CSMD3: variants seen among roughly 807,000 people sequenced by gnomAD.
The protein encoded by CSMD3 is CUB and Sushi multiple domains 3, also known as CUB and sushi domain-containing protein 3.
In CSMD3, 177 loss-of-function variants were observed where a neutral mutation model predicts 435.2. That is an observed-to-expected ratio of 0.41 (90% CI 0.36 to 0.46). The LOEUF is 0.46. CSMD3 is among the 20% of genes least tolerant of loss of function. The pLI, the probability that CSMD3 is intolerant of heterozygous loss-of-function variation, is 0.34. For missense variants in CSMD3, 4,265 were observed against 4,504.6 expected, an observed-to-expected ratio of 0.95 and a Z score of 1.52; for synonymous variants, 1,656 against 1,520.5, an observed-to-expected ratio of 1.09 and a Z score of -2.07.
At chr8:112,996,477 A>G (rs150205139) in intron 6 of CSMD3, among the ~76,000 whole-genome samples, 235 of 151,862 alleles carry the variant, frequency 1.5e-3, no homozygotes, top group African/African-American at 5.5e-3. Flanking sequence ...AGAAATGTAC[A>G]TAAGCACAGG....
At chr8:112,301,661 A>G in intron 53 of CSMD3, 132 bp downstream of exon 53, 1 of 692,652 alleles carries the variant, frequency 1.4e-6, no homozygotes, top group Non-Finnish European at 2.5e-6. Flanking sequence ...TTTAAAGATA[A>G]GTATTTTCTG....
rs772668689 is a variant in CSMD3, at chr8:112,636,918, G to C, written c.3614C>G (p.Thr1205Ser). The C allele has an allele frequency of 6.2e-7, 1 of 1,613,402 alleles. No homozygotes were observed. ...GFNFGIGDTL[T>S]FSCSSGYRLE... is the part of the protein sequence containing the mutation. The stretch of plus-strand genomic sequence containing the variant: ...TCGATAACCCGAAGAGCATGAGAAG[G>C]TCAGAGTGTCACCAATCCCAAAGTT... Residue 1205 changes from threonine (T) to serine (S), a missense_variant, in exon 22 of 71, where the codon ACC (threonine) becomes AGC (serine). Physicochemically the swap from Thr to Ser is moderately conservative, Grantham distance 58. Coordinates refer to ENST00000297405, the MANE Select transcript of CSMD3 (RefSeq NM_198123.2).
chr8:112,252,926 T>C (rs1815417773), intron 63 of CSMD3, among the ~76,000 whole-genome samples: 1 of 151,724 alleles, frequency 6.6e-6, no homozygotes, highest in Non-Finnish European at 1.5e-5. Flanking sequence ...TTAACTTTGT[T>C]ACAGCATTTT....
chr8:113,036,183 T>C (rs1357255955), intron 5 of CSMD3, among the ~76,000 whole-genome samples: 4 of 151,984 alleles, frequency 2.6e-5, no homozygotes, highest in Non-Finnish European at 5.9e-5. Context: ...CTTCACATTT[T>C]CTCATTCACA....
chr8:112,827,025 A>T, intron 12 of CSMD3, among the ~76,000 whole-genome samples: 1 of 150,666 alleles, frequency 6.6e-6, no homozygotes, highest in African/African-American at 2.4e-5. Context: ...TCAAACACAC[A>T]TTTTTTTTAA....
Position 112,392,857 on chromosome 8 carries a change from T to C in CSMD3, c.5810-2069A>G, listed in dbSNP as rs1487557352. 2.3e-5 allele frequency among the ~76,000 whole-genome samples: 3 copies of C among 131,734 alleles called. No homozygotes were observed. In the South Asian group the frequency reaches 6.7e-4, roughly 29 times the overall value. 86.4% of individuals were successfully genotyped at this position (131,734 alleles called of 152,430 possible). A position where few individuals can be genotyped will look rare whatever the true frequency, so the allele number is the denominator to read the frequency against. ...AATTCACAGCTCACAGATAGTTTCT[T>C]TTTTTTCTTTTTTTTTTTTTTTTTT... On this transcript the variant is annotated intron_variant, in intron 35 of 70. Coordinates refer to ENST00000297405, the MANE Select transcript of CSMD3 (RefSeq NM_198123.2).
chr8:112,499,252 G>A (rs546562813), intron 30 of CSMD3, among the ~76,000 whole-genome samples: 1 of 151,904 alleles, frequency 6.6e-6, no homozygotes, highest in South Asian at 2.1e-4. Flanking sequence ...TAAATCCAAG[G>A]TATCAAAAAA....
At chr8:112,786,897 T>C (rs1410817944) in intron 13 of CSMD3, among the ~76,000 whole-genome samples, 2 of 152,020 alleles carry the variant, frequency 1.3e-5, no homozygotes, top group Non-Finnish European at 2.9e-5. Flanking sequence ...GCCCCTCACC[T>C]CCCGACAGGC....
At chr8:113,272,955 A>G (rs2093540875) in intron 3 of CSMD3, among the ~76,000 whole-genome samples, 1 of 152,076 alleles carries the variant, frequency 6.6e-6, no homozygotes, top group African/African-American at 2.4e-5. Context: ...TAGGGATAAT[A>G]TAGTTAACAA....
chr8:112,624,169 C>A (rs1018704525), intron 22 of CSMD3, among the ~76,000 whole-genome samples: 3 of 151,980 alleles, frequency 2.0e-5, no homozygotes, highest in Non-Finnish European at 4.4e-5. Context: ...ACAATTTAAT[C>A]TTTTATTTTT....
intron 9 of CSMD3, among the ~76,000 whole-genome samples, chr8:112,935,471 C>T (rs2083252508): frequency 6.6e-6 from 1 of 151,990 alleles, no homozygotes. Context: ...TTTGAGAATG[C>T]ACTGAATCTG....
chr8:113,314,409 C>T, intron 2 of CSMD3, 162 bp downstream of exon 2: 2 of 619,728 alleles, frequency 3.2e-6, no homozygotes, highest in Non-Finnish European at 5.7e-6. Context: ...AGACACCAAG[C>T]TAATTTGTTC....
chr8:112,289,536 T>A lies in CSMD3; in HGVS notation c.8977A>T (p.Ile2993Phe). Residue 2993 changes from isoleucine to phenylalanine, a missense_variant and splice_region_variant, in exon 57 of 71, where the codon ATT (isoleucine) becomes TTT (phenylalanine). Physicochemically the swap from Ile to Phe is conservative, Grantham distance 21. Transcript: ENST00000297405. ...WDKPLPECIM[I>F]DCGHPGVPPN... ...GGAACGCCAGGGTGTCCACAGTCAATCACTACAATACATAATTATTAAATA... is the reference window on the plus strand; with the variant it reads ...GGAACGCCAGGGTGTCCACAGTCAAACACTACAATACATAATTATTAAATA... 1.2e-6 allele frequency: 2 copies of A among 1,603,312 alleles called. No individual in the cohort carries two copies. Among genetic ancestry groups the A allele is most frequent in the Non-Finnish European group, 1.7e-6 (2 of 1,171,896 alleles).
intron 10 of CSMD3, among the ~76,000 whole-genome samples, chr8:112,861,456 C>T (rs1402359710): frequency 6.6e-6 from 1 of 151,844 alleles, no homozygotes; most frequent in Non-Finnish European, 1.5e-5. Context: ...AGACATCTTG[C>T]TCTTCTTTGA....
At chr8:112,307,838 T>C (rs1821593528) in intron 50 of CSMD3, among the ~76,000 whole-genome samples, 1 of 152,170 alleles carries the variant, frequency 6.6e-6, no homozygotes, top group Non-Finnish European at 1.5e-5. Context: ...TACAGAAAGA[T>C]GAGTTTAGTT....
intron 6 of CSMD3, among the ~76,000 whole-genome samples, chr8:112,980,752 T>A (rs904397596): frequency 3.3e-5 from 5 of 151,688 alleles, no homozygotes; most frequent in African/African-American, 4.8e-5. Context: ...GTTACATTTT[T>A]AAAAATTTCG....
intron 1 of CSMD3, among the ~76,000 whole-genome samples, chr8:113,355,106 TTTAAAA>T (rs1454633057): frequency 6.6e-6 from 1 of 152,196 alleles, no homozygotes; most frequent in Admixed American, 6.5e-5. Context: ...TTCAAAACAC[TTTAAAA>T]TTAATTCATA....
At chr8:112,620,969 G>A (rs971341185) in intron 22 of CSMD3, among the ~76,000 whole-genome samples, 24 of 152,238 alleles carry the variant, frequency 1.6e-4, no homozygotes, top group African/African-American at 4.6e-4. Flanking sequence ...AGGTGCAGTC[G>A]CTCATGCCTG....
chr8:112,806,467 C>T (rs1346994048), intron 12 of CSMD3, among the ~76,000 whole-genome samples: 2 of 152,126 alleles, frequency 1.3e-5, no homozygotes, highest in African/African-American at 2.4e-5. Flanking sequence ...CTTATATGCG[C>T]GTCCCACATG....
Sources: allele counts gnomAD v4.1 joint callset (sites outside exome capture counted in the v4.1 genomes callset), GRCh38; gene constraint gnomAD v4.1.1; transcripts MANE v1.5; gene names NCBI Gene and HGNC (gene_info 2026-07-23, HGNC 2026-07-21).